GALNTL5: variants seen among roughly 807,000 people sequenced by gnomAD.
GALNTL5 encodes inactive polypeptide N-acetylgalactosaminyltransferase-like protein 5.
In GALNTL5, 44 loss-of-function variants were observed where a neutral mutation model predicts 51.0. That is an observed-to-expected ratio of 0.86 (90% confidence interval 0.68 to 1.11). The LOEUF (loss-of-function observed/expected upper bound fraction) is 1.11. Ranked by LOEUF, GALNTL5 falls within the 50% of genes least tolerant of loss-of-function variation. GALNTL5 has a pLI of 0.00. For missense variants in GALNTL5, 528 were observed against 531.8 expected, an observed-to-expected ratio of 0.99 and a Z score of 0.07; for synonymous variants, 192 against 182.8, an observed-to-expected ratio of 1.05 and a Z score of -0.41.
chr7:151,968,426 C>T (rs754676142), intron 2 of GALNTL5, among the ~76,000 whole-genome samples: 2 of 152,100 alleles, frequency 1.3e-5, no homozygotes, highest in African/African-American at 2.4e-5. Flanking sequence ...TCTGTGGATC[C>T]CTGCTCTGAA....
intron 7 of GALNTL5, among the ~76,000 whole-genome samples, chr7:152,013,244 T>C (rs1230050784): frequency 6.6e-6 from 1 of 151,986 alleles, no homozygotes; most frequent in Non-Finnish European, 1.5e-5. Flanking sequence ...TTGAGTGCGA[T>C]GCTCATTACC....
chr7:151,990,778 G>C (rs889885020), intron 5 of GALNTL5, among the ~76,000 whole-genome samples: 6 of 151,744 alleles, frequency 4.0e-5, no homozygotes, highest in Admixed American at 6.6e-5. Flanking sequence ...GGCTGACTGG[G>C]GCCAAGATGA....
intron 3 of GALNTL5, among the ~76,000 whole-genome samples, chr7:151,973,284 A>G (rs1311206141): frequency 6.7e-6 from 1 of 150,110 alleles, no homozygotes; most frequent in Non-Finnish European, 1.5e-5. Flanking sequence ...GTGAAACCCC[A>G]TCTCTACTAA....
rs554585648 is a variant in GALNTL5 at position 152,019,145 on chromosome 7, A to C, written c.1177-501A>C. On this transcript the variant is annotated intron_variant, in intron 8 of 8. Transcript: ENST00000392800. ...TTTGCATGTCCCTATTAGACTGTTCAACCCTCACAAGCACTTCGCAAGGGG... is the reference window on the plus strand; with the variant it reads ...TTTGCATGTCCCTATTAGACTGTTCCACCCTCACAAGCACTTCGCAAGGGG... 5.3e-5 allele frequency among the ~76,000 whole-genome samples: 8 copies of C among 152,260 alleles called. No homozygotes were observed. In the South Asian group the frequency reaches 1.7e-3, roughly 32 times the overall value.
chr7:152,006,191 G>A (rs775900703), intron 6 of GALNTL5, among the ~76,000 whole-genome samples: 3 of 152,198 alleles, frequency 2.0e-5, no homozygotes, highest in Non-Finnish European at 4.4e-5. Flanking sequence ...CCAACACAGT[G>A]GCTGGATCAG....
In GALNTL5 at chr7:152,002,716, G is replaced by T. The variant is rs151275982; in HGVS notation, c.661G>T (p.Asp221Tyr). The T allele has an allele frequency of 1.2e-6, 2 of 1,613,920 alleles. No individual in the cohort carries two copies. Among genetic ancestry groups the T allele is most frequent in the South Asian group, 1.1e-5 (1 of 91,074 alleles). ...TTGCCCTGTTCTTGCCTCCCCAGGG[G>T]ATGTTCTGGTGTTCCTGGACAGCCA... Reference protein sequence around the residue: ...RLIGASHASGDVLVFLDSHCE... With the variant: ...RLIGASHASGYVLVFLDSHCE... The change falls in exon 6 of 9, where the codon GAT (aspartate) becomes TAT (tyrosine). Residue 221 changes from aspartate to tyrosine, a missense_variant and splice_region_variant. Physicochemically the swap from Asp to Tyr is radical, Grantham distance 160. Transcript: ENST00000392800.
intron 1 of GALNTL5, among the ~76,000 whole-genome samples, chr7:151,961,661 G>A (rs1409186251): frequency 6.6e-6 from 1 of 152,148 alleles, no homozygotes; most frequent in Non-Finnish European, 1.5e-5. Context: ...CTAGAGCTTG[G>A]ATTTACCTGC....
intron 5 of GALNTL5, chr7:151,995,347 A>AT (rs1563017632): frequency 1.1e-5 from 1 of 90,980 alleles, no homozygotes. Context: ...AGTTGGTATG[A>AT]ATTTTTTTTT....
chr7:152,004,574 C>A (rs915325197), intron 6 of GALNTL5, among the ~76,000 whole-genome samples: 2 of 152,076 alleles, frequency 1.3e-5, no homozygotes, highest in African/African-American at 4.8e-5. Context: ...TACACCGGAC[C>A]CATTAAGTCA....
At chr7:151,982,496 A>G (rs2081305758) in intron 3 of GALNTL5, among the ~76,000 whole-genome samples, 3 of 152,218 alleles carry the variant, frequency 2.0e-5, no homozygotes, top group African/African-American at 7.2e-5. Flanking sequence ...TATCTGCTAT[A>G]CTTTTTTGTT....
rs912589528 is a variant in GALNTL5, at chr7:151,996,766, A to G, written c.659-5948A>G. On this transcript the variant is annotated intron_variant, in intron 5 of 8. Coordinates refer to ENST00000392800, the MANE Select transcript of GALNTL5 (RefSeq NM_145292.4). ...CTCATCTCACAAAACAAATTAAAAC[A>G]AGATACAGCAATAACATAACGTGTA... is the stretch of plus-strand genomic sequence containing the variant. Among the ~76,000 whole-genome samples, 8 of 151,000 alleles carry G rather than the reference A, an allele frequency of 5.3e-5. No individual in the cohort carries two copies. The East Asian group carries it at 1.4e-3, about 26-fold the overall frequency.
Position 151,989,147 on chromosome 7 carries a change from T to G in GALNTL5, c.658+1866T>G, listed in dbSNP as rs1186351292. ...TGTTGTATGATATTTCATATGGATT[T>G]TATTTTTTCTCTTTTTTTTTTTTAG... On this transcript the variant is annotated intron_variant, in intron 5 of 8. Coordinates refer to ENST00000392800, the MANE Select transcript of GALNTL5 (RefSeq NM_145292.4). Among the ~76,000 whole-genome samples the G allele has an allele frequency of 2.0e-5, 3 of 152,156 alleles. No homozygotes were observed. The East Asian group carries it at 5.8e-4, about 29-fold the overall frequency.
Position 151,970,933 on chromosome 7 carries a change from A to T in GALNTL5, c.248-12A>T, listed in dbSNP as rs1299407397. On this transcript the variant is annotated splice_polypyrimidine_tract_variant and intron_variant, in intron 2 of 8. Coordinates refer to ENST00000392800, the MANE Select transcript of GALNTL5 (RefSeq NM_145292.4). The stretch of plus-strand genomic sequence containing the variant: ...CCTTTACTTATATGATTCTAATTAC[A>T]TTTTCTTGCAGGTACAGATTTTAAC... 1.3e-6 allele frequency: 2 copies of T among 1,587,474 alleles called. No individual in the cohort carries two copies.
intron 5 of GALNTL5, among the ~76,000 whole-genome samples, chr7:151,993,160 G>A (rs2081448964): frequency 6.6e-6 from 1 of 151,876 alleles, no homozygotes; most frequent in Non-Finnish European, 1.5e-5. Flanking sequence ...CTTGAACCCA[G>A]GAGGTGGAGG....
intron 3 of GALNTL5, among the ~76,000 whole-genome samples, chr7:151,976,232 A>G (rs1414023835): frequency 6.6e-6 from 1 of 152,126 alleles, no homozygotes; most frequent in Non-Finnish European, 1.5e-5. Context: ...TATTTGCTTT[A>G]TATATTTAGG....
At chr7:152,007,228 G>A (rs2081656625) in intron 6 of GALNTL5, among the ~76,000 whole-genome samples, 1 of 152,072 alleles carries the variant, frequency 6.6e-6, no homozygotes, top group African/African-American at 2.4e-5. Context: ...CAGTTCAATT[G>A]TCATCCTCAT....
At position 151,979,406 on chromosome 7, in the gene GALNTL5, G is replaced by A. The variant is rs538317530; in HGVS notation, c.369-3580G>A. 3.9e-3 allele frequency among the ~76,000 whole-genome samples: 586 copies of A among 149,982 alleles called. 2 individuals carry two copies. Among genetic ancestry groups the A allele is most frequent in the Admixed American group, 7.3e-3 (110 of 14,984 alleles). ...TGGGATTACAGGTGTGAGCCACCACGGCCGGCCTCCTTTTACTCTTAAAAA... is the reference window on the plus strand; with the variant it reads ...TGGGATTACAGGTGTGAGCCACCACAGCCGGCCTCCTTTTACTCTTAAAAA... On this transcript the variant is annotated intron_variant, in intron 3 of 8. Transcript: ENST00000392800.
At chr7:151,974,846 G>A (rs2081188267) in intron 3 of GALNTL5, among the ~76,000 whole-genome samples, 1 of 152,092 alleles carries the variant, frequency 6.6e-6, no homozygotes, top group African/African-American at 2.4e-5. Context: ...AAAGTTTAGA[G>A]AGATTTGTCC....
chr7:152,012,417 C>A (rs369561541), intron 7 of GALNTL5, among the ~76,000 whole-genome samples: 1 of 139,610 alleles, frequency 7.2e-6, no homozygotes, highest in Non-Finnish European at 1.5e-5. Context: ...CAGATGCTGG[C>A]GAGGCTGTGG....
Sources: allele counts gnomAD v4.1 joint callset (sites outside exome capture counted in the v4.1 genomes callset), GRCh38; gene constraint gnomAD v4.1.1; transcripts MANE v1.5; gene names NCBI Gene and HGNC (gene_info 2026-07-23, HGNC 2026-07-21).